SOX5: variants seen among roughly 807,000 people sequenced by gnomAD.
SOX5 encodes the protein SRY-box transcription factor 5.
Under a neutral mutation model 92.0 loss-of-function variants are expected in SOX5, and 9 were observed. That is an observed-to-expected ratio of 0.10 (90% confidence interval 0.06 to 0.17). SOX5 has a LOEUF of 0.17. Among genes scored for constraint, SOX5 ranks in the 10% least tolerant of loss-of-function variants. The pLI is 1.00. For missense variants in SOX5, 642 were observed against 944.5 expected, an observed-to-expected ratio of 0.68 and a Z score of 4.20; for synonymous variants, 344 against 336.3, an observed-to-expected ratio of 1.02 and a Z score of -0.25.
chr12:23,865,154 G>A (rs1217979152), intron 2 of SOX5, among the ~76,000 whole-genome samples: 2 of 152,134 alleles, frequency 1.3e-5, no homozygotes, highest in African/African-American at 4.8e-5. Flanking sequence ...CAGCATATCT[G>A]TTTACAACAT....
At chr12:24,028,351 C>A (rs531803530) in intron 4 of SOX5, among the ~76,000 whole-genome samples, 4 of 152,044 alleles carry the variant, frequency 2.6e-5, no homozygotes, top group Admixed American at 2.6e-4. Context: ...AATGAATTTG[C>A]TTGTTTCTTA....
At chr12:23,848,879 TA>T (rs2096601843) in intron 2 of SOX5, among the ~76,000 whole-genome samples, 2 of 152,318 alleles carry the variant, frequency 1.3e-5, no homozygotes, top group South Asian at 4.1e-4. Context: ...ACTTTCAGAA[TA>T]AAGTTGATAA....
intron 8 of SOX5, among the ~76,000 whole-genome samples, chr12:23,610,619 A>T (rs1352048042): frequency 1.3e-5 from 2 of 152,182 alleles, no homozygotes; most frequent in Non-Finnish European, 2.9e-5. Context: ...ACAAATTTTT[A>T]AAATCCAAAA....
intron 4 of SOX5, among the ~76,000 whole-genome samples, chr12:23,749,375 A>G (rs956510927): frequency 6.6e-6 from 1 of 151,890 alleles, no homozygotes; most frequent in Non-Finnish European, 1.5e-5. Context: ...TACCTTTTTA[A>G]ATATGTTTAT....
chr12:23,964,187 T>C (rs548929690), intron 4 of SOX5, among the ~76,000 whole-genome samples: 2 of 152,100 alleles, frequency 1.3e-5, no homozygotes, highest in East Asian at 3.8e-4. Flanking sequence ...AGATAAATAT[T>C]GGGAAATTAA....
At chr12:24,398,664 T>C (rs983203991) in intron 1 of SOX5, among the ~76,000 whole-genome samples, 1 of 152,134 alleles carries the variant, frequency 6.6e-6, no homozygotes, top group African/African-American at 2.4e-5. Flanking sequence ...AAAAGATGCA[T>C]TAATAGTAGC....
At chr12:24,222,208 C>T (rs1006977497) in intron 3 of SOX5, among the ~76,000 whole-genome samples, 9 of 152,088 alleles carry the variant, frequency 5.9e-5, no homozygotes, top group African/African-American at 1.9e-4. Flanking sequence ...CTAAACTGGG[C>T]CCATGAAATG....
chr12:23,860,157 T>C (rs975007624), intron 2 of SOX5, among the ~76,000 whole-genome samples: 3 of 151,342 alleles, frequency 2.0e-5, no homozygotes, highest in Admixed American at 6.6e-5. Flanking sequence ...GGGGAAACGG[T>C]GGGAGGAGGG....
At chr12:23,578,424 C>T (rs1280810050) in intron 9 of SOX5, among the ~76,000 whole-genome samples, 1 of 151,522 alleles carries the variant, frequency 6.6e-6, no homozygotes, top group East Asian at 1.9e-4. Context: ...CCAGGTGATT[C>T]TGATGCACAC....
At chr12:23,818,307 G>C (rs1208040484) in intron 3 of SOX5, among the ~76,000 whole-genome samples, 1 of 152,158 alleles carries the variant, frequency 6.6e-6, no homozygotes, top group Non-Finnish European at 1.5e-5. Flanking sequence ...AACCTGTACA[G>C]CTTGTTACTG....
intron 4 of SOX5, among the ~76,000 whole-genome samples, chr12:24,157,669 C>T (rs990427293): frequency 6.6e-6 from 1 of 152,036 alleles, no homozygotes; most frequent in Non-Finnish European, 1.5e-5. Context: ...ACAACCTGTC[C>T]TAATAGAAGC....
intron 3 of SOX5, among the ~76,000 whole-genome samples, chr12:24,269,377 C>T (rs1229042087): frequency 6.6e-6 from 1 of 152,096 alleles, no homozygotes; most frequent in East Asian, 1.9e-4. Flanking sequence ...ATAAGCAAAA[C>T]AAAAATATAC....
At chr12:23,537,911 G>A (rs1044824591) in intron 13 of SOX5, among the ~76,000 whole-genome samples, 4 of 151,098 alleles carry the variant, frequency 2.6e-5, no homozygotes, top group African/African-American at 9.7e-5. Flanking sequence ...ATTGAGAGGT[G>A]ACAGCGTGCT....
chr12:23,740,026 A>C (rs879570415), intron 5 of SOX5, among the ~76,000 whole-genome samples: 3 of 152,214 alleles, frequency 2.0e-5, no homozygotes, highest in Non-Finnish European at 4.4e-5. Flanking sequence ...CATAAGAAGC[A>C]CTAGATTACT....
At chr12:24,068,657 A>AT (rs897999037) in intron 4 of SOX5, among the ~76,000 whole-genome samples, 4 of 137,278 alleles carry the variant, frequency 2.9e-5, no homozygotes, top group Non-Finnish European at 4.7e-5. Context: ...AGGTATCTTT[A>AT]TTTTTAGAAA....
chr12:24,048,330 T>C (rs1957242104), intron 4 of SOX5, among the ~76,000 whole-genome samples: 1 of 152,102 alleles, frequency 6.6e-6, no homozygotes, highest in South Asian at 2.1e-4. Flanking sequence ...TATTCTGGAG[T>C]AGGAATTAAA....
At chr12:23,564,826 C>T (rs780878523) in intron 10 of SOX5, among the ~76,000 whole-genome samples, 36 of 152,190 alleles carry the variant, frequency 2.4e-4, no homozygotes, top group Non-Finnish European at 4.1e-4. Flanking sequence ...TATTGCTAGA[C>T]TCTTCTATCT....
chr12:23,741,494 A>C (rs2093795410), intron 4 of SOX5, among the ~76,000 whole-genome samples: 1 of 152,148 alleles, frequency 6.6e-6, no homozygotes. Flanking sequence ...TCATCTAATT[A>C]AGGAGGCAAG....
intron 4 of SOX5, among the ~76,000 whole-genome samples, chr12:24,103,415 T>C (rs185616386): frequency 3.4e-4 from 52 of 152,144 alleles, no homozygotes; most frequent in Non-Finnish European, 6.5e-4. Flanking sequence ...AGTACAATGA[T>C]GCAATCGTAG....
Sources: gnomAD v4.1 joint callset for allele counts (sites outside exome capture counted in the v4.1 genomes callset) on GRCh38, gnomAD v4.1.1 for gene constraint, MANE v1.5 for transcripts, NCBI Gene and HGNC (gene_info 2026-07-23, HGNC 2026-07-21) for gene names.